Variants in TGFBR2 observed in about 807,000 individuals in gnomAD.
TGFBR2 encodes TGF-beta receptor type-2.
TGFBR2 carries 18 observed loss-of-function variants against 49.0 expected under a neutral mutation model. The observed-to-expected ratio is 0.37, with a 90% CI of 0.25 to 0.54. The LOEUF is 0.54. TGFBR2 is among the 20% of genes least tolerant of loss of function. TGFBR2 has a pLI of 0.85. For synonymous variants in TGFBR2, 282 were observed against 275.9 expected (o/e 1.02, Z -0.22); for missense variants, 525 against 722.6 (o/e 0.73, Z 3.13).
Position 30,688,508 on chromosome 3 carries a change from C to T in TGFBR2, c.1521C>T (p.His507=), listed in dbSNP as rs544130308. 3.7e-6 allele frequency: 6 copies of T among 1,614,178 alleles called. No individual in the cohort carries two copies. The African/African-American group carries it at 6.7e-5, about 18-fold the overall frequency. Residue 507 remains histidine, a synonymous_variant, in exon 6 of 7, where the codon CAC becomes CAT. Transcript: ENST00000295754. ...AAATTCCCAGCTTCTGGCTCAACCA[C>T]CAGGTAAGGAGTGAGTGTTTACAAA... The part of the protein sequence containing the change: ...RPEIPSFWLN[H]QGIQMVCETL...
chr3:30,607,797 A>AAT (rs1553624159), intron 1 of TGFBR2, among the ~76,000 whole-genome samples: 23 of 131,704 alleles, frequency 1.7e-4, no homozygotes, highest in African/African-American at 6.8e-4. Context: ...TAAAAATAAA[A>AAT]AAATATATAT....
chr3:30,657,034 C>T (rs1460716710), intron 3 of TGFBR2, among the ~76,000 whole-genome samples: 1 of 152,210 alleles, frequency 6.6e-6, no homozygotes, highest in Non-Finnish European at 1.5e-5. Flanking sequence ...GAATTGGCTC[C>T]TCCAGACTTC....
intron 1 of TGFBR2, among the ~76,000 whole-genome samples, chr3:30,620,288 A>G (rs1182312817): frequency 6.6e-6 from 1 of 152,174 alleles, no homozygotes; most frequent in Non-Finnish European, 1.5e-5. Flanking sequence ...ATTCTCACTA[A>G]TTCTGTTTAT....
At chr3:30,677,520 G>A (rs888800601) in intron 5 of TGFBR2, among the ~76,000 whole-genome samples, 6 of 152,278 alleles carry the variant, frequency 3.9e-5, no homozygotes, top group African/African-American at 9.6e-5. Flanking sequence ...TTGATTAAGC[G>A]TGTGAACTCA....
intron 2 of TGFBR2, among the ~76,000 whole-genome samples, chr3:30,645,776 A>G (rs1434004638): frequency 6.6e-6 from 1 of 151,800 alleles, no homozygotes; most frequent in Non-Finnish European, 1.5e-5. Context: ...ATGAGCCACC[A>G]TGCCCGACCA....
chr3:30,616,920 G>A (rs1467838571), intron 1 of TGFBR2, among the ~76,000 whole-genome samples: 3 of 152,112 alleles, frequency 2.0e-5, no homozygotes, highest in Non-Finnish European at 4.4e-5. Flanking sequence ...CTTGGTTTTG[G>A]TGGTAATATT....
intron 6 of TGFBR2, among the ~76,000 whole-genome samples, chr3:30,690,048 G>A (rs985349328): frequency 6.6e-6 from 1 of 152,170 alleles, no homozygotes; most frequent in South Asian, 2.1e-4. Flanking sequence ...CATCGGGTGG[G>A]GAGGGAGAGA....
rs1255951869 is a variant in TGFBR2, at chr3:30,606,708, C to T, written c.-176C>T. 1 of 415,070 alleles carries T rather than the reference C, an allele frequency of 2.4e-6. No homozygotes were observed. The highest frequency in any genetic ancestry group is 4.1e-6 in the Non-Finnish European group (1 of 243,174). The allele number at this position is 415,070 out of a possible 1,614,324, so 25.7% of individuals were successfully genotyped here. On this transcript the variant is annotated 5_prime_UTR_variant, in exon 1 of 7. Transcript: ENST00000295754. The stretch of plus-strand genomic sequence containing the variant: ...CGCCGGGGGCCTCCCCGCGCCTCGC[C>T]GGCCTCCAGGCCCCCTCCTGGCTGG...
intron 1 of TGFBR2, among the ~76,000 whole-genome samples, chr3:30,618,801 C>T (rs1395575047): frequency 1.3e-5 from 2 of 152,196 alleles, no homozygotes; most frequent in South Asian, 4.1e-4. Context: ...TTGTCTGATG[C>T]TCAGTGAAGA....
chr3:30,666,368 TCTC>T (rs1699243062), intron 3 of TGFBR2, among the ~76,000 whole-genome samples: 1 of 152,168 alleles, frequency 6.6e-6, no homozygotes. Context: ...ATTTGGGGGT[TCTC>T]CTTCACATAA....
intron 1 of TGFBR2, among the ~76,000 whole-genome samples, chr3:30,624,020 G>C (rs1036890903): frequency 6.6e-6 from 1 of 152,038 alleles, no homozygotes; most frequent in Non-Finnish European, 1.5e-5. Flanking sequence ...GCGGGCGCCT[G>C]TAATCACAGC....
chr3:30,680,431 T>G (rs983158855), intron 5 of TGFBR2, among the ~76,000 whole-genome samples: 1 of 152,348 alleles, frequency 6.6e-6, no homozygotes, highest in East Asian at 1.9e-4. Context: ...AAGTATTTAT[T>G]GAGTACCTAT....
chr3:30,658,673 C>T (rs893662146), intron 3 of TGFBR2, among the ~76,000 whole-genome samples: 1 of 152,196 alleles, frequency 6.6e-6, no homozygotes, highest in African/African-American at 2.4e-5. Flanking sequence ...CTTGTAGCCA[C>T]AAAGTTTCAT....
intron 1 of TGFBR2, among the ~76,000 whole-genome samples, chr3:30,631,471 C>T (rs913277589): frequency 6.6e-5 from 10 of 151,976 alleles, no homozygotes; most frequent in African/African-American, 9.7e-5. Flanking sequence ...CCAGGAAAGG[C>T]GAAGATCAAC....
intron 5 of TGFBR2, among the ~76,000 whole-genome samples, chr3:30,680,105 AC>A (rs1282564899): frequency 2.6e-5 from 4 of 152,118 alleles, no homozygotes; most frequent in Non-Finnish European, 4.4e-5. Context: ...AGCCTGGGCG[AC>A]AGAGCGAGAC....
chr3:30,631,878 C>G (rs369355021), intron 1 of TGFBR2, among the ~76,000 whole-genome samples: 1 of 152,040 alleles, frequency 6.6e-6, no homozygotes, highest in Non-Finnish European at 1.5e-5. Context: ...CGATTCAGAG[C>G]CTTCTCCACT....
intron 5 of TGFBR2, among the ~76,000 whole-genome samples, chr3:30,686,171 TTA>T (rs1225581256): frequency 6.6e-6 from 1 of 152,234 alleles, no homozygotes; most frequent in Non-Finnish European, 1.5e-5. Flanking sequence ...CTCATATTTA[TTA>T]AATTCTTACT....
At position 30,662,787 on chromosome 3, in the gene TGFBR2, C is replaced by T. The variant is rs116038993; in HGVS notation, c.455-8851C>T. Among the ~76,000 whole-genome samples the T allele has an allele frequency of 7.3e-3, 1,109 of 152,242 alleles. 17 individuals are homozygous for T. Among genetic ancestry groups the T allele is most frequent in the African/African-American group, 0.026 (1,081 of 41,532 alleles). The stretch of plus-strand genomic sequence containing the variant: ...TGGCTAGTGCTGAATACAGCTGTAC[C>T]AGAGCTTTGCAAACAATTCCACTAA... On this transcript the variant is annotated intron_variant, in intron 3 of 6. Transcript: ENST00000295754.
At chr3:30,631,629 T>C (rs1195743561) in intron 1 of TGFBR2, among the ~76,000 whole-genome samples, 1 of 141,122 alleles carries the variant, frequency 7.1e-6, no homozygotes, top group Non-Finnish European at 1.5e-5. Flanking sequence ...TTCTTTTTTT[T>C]TTTTTTTTTT....
Sources: allele counts gnomAD v4.1 joint callset (sites outside exome capture counted in the v4.1 genomes callset), GRCh38; gene constraint gnomAD v4.1.1; transcripts MANE v1.5; gene names NCBI Gene and HGNC (gene_info 2026-07-23, HGNC 2026-07-21).